Variants in MAST1 observed in about 807,000 individuals in gnomAD.
MAST1 encodes the protein microtubule-associated serine/threonine-protein kinase 1.
In MAST1, 40 loss-of-function variants were observed where a neutral mutation model predicts 124.6. The ratio of observed to expected loss-of-function variants is 0.32; its 90% CI spans 0.25 to 0.42. The LOEUF (loss-of-function observed/expected upper bound fraction) is 0.42, where lower values mean the gene tolerates loss of function less well. MAST1 is among the 10% of genes least tolerant of loss of function. MAST1 has a pLI of 1.00. For missense variants in MAST1, 1,558 were observed against 2,181.9 expected, an observed-to-expected ratio of 0.71 and a Z score of 5.70; for synonymous variants, 938 against 939.4, an observed-to-expected ratio of 1.00 and a Z score of 0.03.
chr19:12,840,654 G>A, intron 2 of MAST1, 120 bp downstream of exon 2: 1 of 747,714 alleles, frequency 1.3e-6, no homozygotes, highest in Non-Finnish European at 2.3e-6. Context: ...GAACCAGTTT[G>A]GATAAGGGGC....
At chr19:12,860,062 G>A (rs963286771) in intron 12 of MAST1, among the ~76,000 whole-genome samples, 14 of 151,450 alleles carry the variant, frequency 9.2e-5, no homozygotes, top group African/African-American at 3.4e-4. Context: ...ATTTGTCTTT[G>A]TGGTTGTCCA....
chr19:12,856,523 C>T (rs568017305), intron 10 of MAST1, among the ~76,000 whole-genome samples: 76 of 152,164 alleles, frequency 5.0e-4, no homozygotes, highest in African/African-American at 1.8e-3. Flanking sequence ...AGGCTGGTCT[C>T]GAACTCCTGA....
At chr19:12,861,623 T>C (rs1970083447) in intron 12 of MAST1, among the ~76,000 whole-genome samples, 1 of 152,144 alleles carries the variant, frequency 6.6e-6, no homozygotes, top group Non-Finnish European at 1.5e-5. Context: ...TTGGATTTCA[T>C]TCTGAATGCA....
Position 12,866,643 on chromosome 19 carries a change from C to T in MAST1, c.2030-10C>T, listed in dbSNP as rs747511475. ...CGTACCCTCAGTCACAGCCCATACC[C>T]GCTCCCCAGCCCGCTCAGACAGGTA... On this transcript the variant is annotated splice_polypyrimidine_tract_variant and intron_variant, in intron 17 of 25. Coordinates refer to ENST00000251472, the MANE Select transcript of MAST1 (RefSeq NM_014975.3). The surrounding 1 kb of genome is among the most constrained non-coding windows in gnomAD (Gnocchi z 5.2). 9 of 1,600,010 alleles carry T rather than the reference C, an allele frequency of 5.6e-6. No homozygotes were observed. Among genetic ancestry groups the T allele is most frequent in the Non-Finnish European group, 7.7e-6 (9 of 1,168,568 alleles).
At chr19:12,845,583 C>T (rs1233714564) in intron 4 of MAST1, among the ~76,000 whole-genome samples, 1 of 149,566 alleles carries the variant, frequency 6.7e-6, no homozygotes, top group Non-Finnish European at 1.5e-5. Context: ...CACCCTGTCT[C>T]GAAATAAAAA....
intron 10 of MAST1, among the ~76,000 whole-genome samples, chr19:12,854,071 G>A (rs370078240): frequency 3.3e-5 from 5 of 149,684 alleles, no homozygotes; most frequent in African/African-American, 9.8e-5. Context: ...GCAGTCCCTG[G>A]CAACCACTAA....
chr19:12,874,800 C>T lies in MAST1; in HGVS notation c.4643C>T (p.Pro1548Leu), dbSNP rs745527365. ...KPQVGLTSRC[P>L]AEAVPPAGLT... Reference sequence around the variant, plus strand: ...CAAGTGGGGCTGACCTCCCGGTGCCCTGCTGAAGCTGTGCCCCCAGCAGGC... The same window carrying T: ...CAAGTGGGGCTGACCTCCCGGTGCCTTGCTGAAGCTGTGCCCCCAGCAGGC... The change falls in exon 26 of 26, where the codon CCT (proline) becomes CTT (leucine). Residue 1548 changes from proline to leucine, a missense_variant. Pro to Leu is a moderately conservative substitution (Grantham distance 98). This residue lies in a region of MAST1 where 168 missense variants were observed against 154.3 expected (regional missense o/e 1.09). Coordinates refer to ENST00000251472, the MANE Select transcript of MAST1 (RefSeq NM_014975.3). This position sits in a 1 kb window ranked among gnomAD's most constrained non-coding sequence, Gnocchi z 6.6. 4 of 1,601,060 alleles carry T rather than the reference C, an allele frequency of 2.5e-6. No individual in the cohort carries two copies. The highest frequency in any genetic ancestry group is 3.4e-6 in the Non-Finnish European group (4 of 1,171,524).
At chr19:12,842,449 C>T (rs1429474400) in intron 3 of MAST1, among the ~76,000 whole-genome samples, 3 of 152,060 alleles carry the variant, frequency 2.0e-5, no homozygotes, top group Admixed American at 6.6e-5. Context: ...CCTGCCACCA[C>T]GCCCGGCTAA....
chr19:12,840,658 A>G, intron 2 of MAST1, 124 bp downstream of exon 2: 1 of 734,196 alleles, frequency 1.4e-6, no homozygotes, highest in Non-Finnish European at 2.4e-6. Context: ...CAGTTTGGAT[A>G]AGGGGCGGGG....
In MAST1 at chr19:12,864,959, T is replaced by A; in HGVS notation, c.1505+12T>A. 2 of 1,614,056 alleles carry A rather than the reference T, an allele frequency of 1.2e-6. No individual in the cohort carries two copies. Among genetic ancestry groups the A allele is most frequent in the Non-Finnish European group, 1.7e-6 (2 of 1,179,976 alleles). On this transcript the variant is annotated intron_variant, in intron 13 of 25. Coordinates refer to ENST00000251472, the MANE Select transcript of MAST1 (RefSeq NM_014975.3). ...CTCAAGCCTGACAAGTGAGCTTTGA[T>A]CTTTCCCATCACTCCCTCTGTCCCT...
chr19:12,874,893 G>T lies in MAST1; in HGVS notation c.*23G>T. 1 of 1,579,934 alleles carries T rather than the reference G, an allele frequency of 6.3e-7. No homozygotes were observed. ...TAGCCAAGGGGGTCATCGGCCCCGC[G>T]CTGTACAGCCTCCGTATACATATGT... On this transcript the variant is annotated 3_prime_UTR_variant, in exon 26 of 26. Coordinates refer to ENST00000251472, the MANE Select transcript of MAST1 (RefSeq NM_014975.3). This position sits in a 1 kb window ranked among gnomAD's most constrained non-coding sequence, Gnocchi z 6.6.
intron 12 of MAST1, 186 bp downstream of exon 12, chr19:12,858,925 G>T (rs1161980408): frequency 3.2e-6 from 2 of 628,804 alleles, no homozygotes; most frequent in African/African-American, 3.7e-5. Flanking sequence ...TCATCTATTG[G>T]TTTATTTGTT....
intron 22 of MAST1, 114 bp downstream of exon 22, chr19:12,869,409 T>C: frequency 2.6e-6 from 2 of 762,838 alleles, no homozygotes; most frequent in Non-Finnish European, 4.4e-6. Context: ...TCTATGCCTC[T>C]TCCCTCTCTA....
chr19:12,853,509 T>A (rs796922623), intron 10 of MAST1, among the ~76,000 whole-genome samples: 2 of 151,668 alleles, frequency 1.3e-5, no homozygotes, highest in East Asian at 2.0e-4. Flanking sequence ...TAAGCCATGA[T>A]CACACCACTG....
At chr19:12,839,040 A>G (rs1390851439) in intron 1 of MAST1, among the ~76,000 whole-genome samples, 1 of 151,816 alleles carries the variant, frequency 6.6e-6, no homozygotes, top group East Asian at 1.9e-4. Flanking sequence ...TGGACGCGCT[A>G]ATATGCTCAG....
chr19:12,843,720 G>C lies in MAST1; in HGVS notation c.327+113G>C, dbSNP rs555408877. 4 of 854,880 alleles carry C rather than the reference G, an allele frequency of 4.7e-6. No individual in the cohort carries two copies. The African/African-American group carries it at 6.9e-5, about 15-fold the overall frequency. 53.0% of individuals were successfully genotyped at this position (854,880 alleles called of 1,614,324 possible). A position where few individuals can be genotyped will look rare whatever the true frequency, so the allele number is the denominator to read the frequency against. The stretch of plus-strand genomic sequence containing the variant: ...AGGCTGGGCTTGATGACAGTTTAGG[G>C]CCAGGCTCAGTGACTCAAGCCTGTA... On this transcript the variant is annotated intron_variant, in intron 4 of 25. Transcript: ENST00000251472. This position sits in a 1 kb window ranked among gnomAD's most constrained non-coding sequence, Gnocchi z 4.9.
intron 7 of MAST1, chr19:12,848,500 G>A (rs1007074028): frequency 2.3e-5 from 4 of 171,778 alleles, no homozygotes; most frequent in Non-Finnish European, 3.8e-5. Context: ...GGTGGCGGAC[G>A]CCTGTAGTCC....
At position 12,852,384 on chromosome 19, in the gene MAST1, G is replaced by A. The variant is rs772486947; in HGVS notation, c.1066G>A (p.Asp356Asn). 6 of 1,609,500 alleles carry A rather than the reference G, an allele frequency of 3.7e-6. No homozygotes were observed. The highest frequency in any genetic ancestry group is 1.7e-5 in the Admixed American group (1 of 59,886). The change falls in exon 10 of 26, where the codon GAT becomes AAT. Residue 356 changes from aspartate (D) to asparagine (N), a missense_variant. Coordinates refer to ENST00000251472, the MANE Select transcript of MAST1 (RefSeq NM_014975.3). ...SGGSNTPEQD[D>N]LSEGRSSKAK... The stretch of plus-strand genomic sequence containing the variant: ...TGGTTCCAACACCCCTGAGCAAGAC[G>A]ATCTCTCTGAGGTAAGGCTGGGTGG...
Position 12,874,574 on chromosome 19 carries a change from G to C in MAST1, c.4417G>C (p.Ala1473Pro), listed in dbSNP as rs1970290567. 1 of 1,506,414 alleles carries C rather than the reference G, an allele frequency of 6.6e-7. No homozygotes were observed. Among genetic ancestry groups the C allele is most frequent in the Admixed American group, 2.3e-5 (1 of 44,288 alleles). 93.3% of individuals were successfully genotyped at this position (1,506,414 alleles called of 1,614,324 possible). A position where few individuals can be genotyped will look rare whatever the true frequency, so the allele number is the denominator to read the frequency against. ...ACCCCTGGCGCCTTCCGTGCCCGAG[G>C]CCCCCCGGGGCCGGGAGCGCTGGGT... ...PAPLAPSVPE[A>P]PRGRERWVLE... The change falls in exon 26 of 26, where the codon GCC becomes CCC. Residue 1473 changes from alanine to proline, a missense_variant. By Grantham distance (27) the Ala-to-Pro change is conservative (BLOSUM62 -1). Coordinates refer to ENST00000251472, the MANE Select transcript of MAST1 (RefSeq NM_014975.3). The surrounding 1 kb of genome is among the most constrained non-coding windows in gnomAD (Gnocchi z 6.6).
Sources: allele counts gnomAD v4.1 joint callset (sites outside exome capture counted in the v4.1 genomes callset), GRCh38; gene constraint gnomAD v4.1.1; regional missense constraint gnomAD v4.1.1; non-coding constraint Gnocchi (gnomAD v3.1); transcripts MANE v1.5; gene names NCBI Gene and HGNC (gene_info 2026-07-23, HGNC 2026-07-21).